Variants in TMEM178B observed in about 807,000 individuals in gnomAD.
TMEM178B encodes transmembrane protein 178B.
TMEM178B carries 5 observed loss-of-function variants against 31.0 expected under a neutral mutation model. That is an observed-to-expected ratio of 0.16 (90% CI 0.08 to 0.34). The LOEUF (loss-of-function observed/expected upper bound fraction) is 0.34, where lower values mean the gene tolerates loss of function less well. TMEM178B is among the 10% of genes least tolerant of loss of function. The pLI is 1.00. For synonymous variants in TMEM178B, 164 were observed against 164.0 expected (o/e 1.00, Z 0.00); for missense variants, 275 against 400.3 (o/e 0.69, Z 2.67).
chr7:141,212,636 C>A lies in TMEM178B; in HGVS notation c.428C>A (p.Ala143Glu). Reference protein sequence around the residue: ...CTYIKYHYSSATIPRNLTFNI... With the variant: ...CTYIKYHYSSETIPRNLTFNI... ...TACATCAAATACCACTACTCCTCAGCAACCATCCCCAGGAACCTCACTTTC... is the reference window on the plus strand; with the variant it reads ...TACATCAAATACCACTACTCCTCAGAAACCATCCCCAGGAACCTCACTTTC... Residue 143 changes from alanine (A) to glutamate (E), a missense_variant, in exon 2 of 4, where the codon GCA becomes GAA. Coordinates refer to ENST00000565468, the MANE Select transcript of TMEM178B (RefSeq NM_001195278.2). 6 of 1,536,128 alleles carry A rather than the reference C, an allele frequency of 3.9e-6. No homozygotes were observed. The highest frequency in any genetic ancestry group is 5.2e-6 in the Non-Finnish European group (6 of 1,146,904).
intron 2 of TMEM178B, among the ~76,000 whole-genome samples, chr7:141,213,731 T>C (rs543914880): frequency 2.0e-5 from 3 of 152,342 alleles, no homozygotes; most frequent in African/African-American, 7.2e-5. Flanking sequence ...GGATTGGCTT[T>C]AATTAAACCA....
chr7:141,174,495 T>G (rs1371084798), intron 1 of TMEM178B, among the ~76,000 whole-genome samples: 2 of 152,166 alleles, frequency 1.3e-5, no homozygotes, highest in East Asian at 3.8e-4. Context: ...GATTGCTGGG[T>G]CAAATGGTAT....
intron 1 of TMEM178B, among the ~76,000 whole-genome samples, chr7:141,111,050 G>A (rs1449388871): frequency 6.6e-6 from 1 of 152,178 alleles, no homozygotes; most frequent in African/African-American, 2.4e-5. Context: ...ATGGTCTTTT[G>A]TTATGCCAGT....
At chr7:141,435,846 G>T (rs1801527016) in intron 2 of TMEM178B, among the ~76,000 whole-genome samples, 1 of 152,194 alleles carries the variant, frequency 6.6e-6, no homozygotes, top group South Asian at 2.1e-4. Context: ...TCCCGGGTCA[G>T]CCAGGGCAGA....
chr7:141,106,173 C>A (rs541613624), intron 1 of TMEM178B, among the ~76,000 whole-genome samples: 1 of 151,854 alleles, frequency 6.6e-6, no homozygotes, highest in Non-Finnish European at 1.5e-5. Flanking sequence ...TTTATACTTG[C>A]ATTTGACTTT....
intron 2 of TMEM178B, among the ~76,000 whole-genome samples, chr7:141,386,755 T>C (rs1192346890): frequency 2.0e-5 from 3 of 152,148 alleles, no homozygotes; most frequent in African/African-American, 7.2e-5. Context: ...TTGCACGCAG[T>C]GGAGATCAAC....
At chr7:141,332,268 T>G (rs1027910742) in intron 2 of TMEM178B, among the ~76,000 whole-genome samples, 1 of 152,224 alleles carries the variant, frequency 6.6e-6, no homozygotes, top group African/African-American at 2.4e-5. Context: ...TTCTTTTAAT[T>G]ACATACATTA....
chr7:141,195,985 G>A (rs1796776777), intron 1 of TMEM178B, among the ~76,000 whole-genome samples: 1 of 152,092 alleles, frequency 6.6e-6, no homozygotes, highest in African/African-American at 2.4e-5. Context: ...CTCCCCCTGG[G>A]TCCCTCCCAC....
chr7:141,292,689 G>GCA (rs1291448780), intron 2 of TMEM178B, among the ~76,000 whole-genome samples: 1 of 146,488 alleles, frequency 6.8e-6, no homozygotes, highest in Admixed American at 6.9e-5. Context: ...CCAGGCTGGA[G>GCA]CACACTGGTG....
chr7:141,083,631 A>C (rs1054774382), intron 1 of TMEM178B, among the ~76,000 whole-genome samples: 1 of 152,184 alleles, frequency 6.6e-6, no homozygotes, highest in African/African-American at 2.4e-5. Flanking sequence ...ATAAAAACGA[A>C]CTTTTCCTCT....
chr7:141,476,591 C>G lies in TMEM178B; in HGVS notation c.*5805C>G, dbSNP rs1454792152. 3 of 152,190 alleles carry G rather than the reference C, an allele frequency of 2.0e-5. No homozygotes were observed. The highest frequency in any genetic ancestry group is 4.4e-5 in the Non-Finnish European group (3 of 68,034). The allele number at this position is 152,190 out of a possible 1,614,324, so 9.4% of individuals were successfully genotyped here. On this transcript the variant is annotated 3_prime_UTR_variant, in exon 4 of 4. Transcript: ENST00000565468. ...GGAGCTGGGATCTTCTTTCTCTTGT[C>G]AGTTGCTGAAGCCAGTAGCTTCGTC...
intron 2 of TMEM178B, among the ~76,000 whole-genome samples, chr7:141,397,068 C>G (rs140510067): frequency 6.6e-6 from 1 of 152,144 alleles, no homozygotes; most frequent in African/African-American, 2.4e-5. Context: ...CCATCATCAC[C>G]GTAAGAACAC....
chr7:141,149,034 A>G (rs185474318), intron 1 of TMEM178B, among the ~76,000 whole-genome samples: 1 of 152,214 alleles, frequency 6.6e-6, no homozygotes, highest in African/African-American at 2.4e-5. Flanking sequence ...AGGTTGGGAG[A>G]GGCTGTGAGG....
intron 1 of TMEM178B, among the ~76,000 whole-genome samples, chr7:141,205,817 C>T (rs554941024): frequency 1.3e-5 from 2 of 152,308 alleles, no homozygotes; most frequent in East Asian, 3.9e-4. Flanking sequence ...AGAGCTGATA[C>T]ATGTGGGAGA....
chr7:141,433,683 T>G (rs769867302), intron 2 of TMEM178B, among the ~76,000 whole-genome samples: 5 of 152,234 alleles, frequency 3.3e-5, no homozygotes, highest in Non-Finnish European at 5.9e-5. Flanking sequence ...GTTTTGAGAT[T>G]ATTTGTCAAT....
At chr7:141,420,781 C>T (rs1801192315) in intron 2 of TMEM178B, among the ~76,000 whole-genome samples, 1 of 152,146 alleles carries the variant, frequency 6.6e-6, no homozygotes, top group South Asian at 2.1e-4. Context: ...TCAAAAATGG[C>T]TCCATGATGT....
chr7:141,217,350 C>T (rs139088417), intron 2 of TMEM178B, among the ~76,000 whole-genome samples: 1 of 152,102 alleles, frequency 6.6e-6, no homozygotes, highest in East Asian at 1.9e-4. Context: ...GGGGGGTCTG[C>T]GACAGGACCT....
At chr7:141,253,219 C>T (rs1797864178) in intron 2 of TMEM178B, among the ~76,000 whole-genome samples, 1 of 152,208 alleles carries the variant, frequency 6.6e-6, no homozygotes, top group Admixed American at 6.5e-5. Flanking sequence ...TCCCTTTGTG[C>T]TTCCCTATCC....
At chr7:141,410,545 C>CTTCTT (rs1237829001) in intron 2 of TMEM178B, among the ~76,000 whole-genome samples, 5 of 146,306 alleles carry the variant, frequency 3.4e-5, no homozygotes, top group Non-Finnish European at 6.0e-5. Context: ...TCTCTCCTTC[C>CTTCTT]TTCTTTTCTT....
Sources: gnomAD v4.1 joint callset for allele counts (sites outside exome capture counted in the v4.1 genomes callset) on GRCh38, gnomAD v4.1.1 for gene constraint, MANE v1.5 for transcripts, NCBI Gene and HGNC (gene_info 2026-07-23, HGNC 2026-07-21) for gene names.